Variants in SDK1 observed in about 807,000 individuals in gnomAD.
SDK1 encodes the protein protein sidekick-1.
A neutral mutation model predicts 245.5 loss-of-function variants in SDK1; 157 were observed. That is an observed-to-expected ratio of 0.64 (90% CI 0.56 to 0.73). The LOEUF (loss-of-function observed/expected upper bound fraction) is 0.73, where lower values mean the gene tolerates loss of function less well. SDK1 is among the 30% of genes least tolerant of loss of function. The pLI, the probability that SDK1 is intolerant of heterozygous loss-of-function variation, is 0.00. For missense variants in SDK1, 3,583 were observed against 3,002.3 expected, an observed-to-expected ratio of 1.19 and a Z score of -4.52; for synonymous variants, 1,647 against 1,278.5, an observed-to-expected ratio of 1.29 and a Z score of -6.15.
chr7:3,898,973 C>T (rs370780253), intron 5 of SDK1, among the ~76,000 whole-genome samples: 2 of 152,082 alleles, frequency 1.3e-5, no homozygotes, highest in Non-Finnish European at 2.9e-5. Context: ...TAATGGTTTC[C>T]CAATTCTATA....
At chr7:3,685,427 A>T (rs578249488) in intron 4 of SDK1, among the ~76,000 whole-genome samples, 15 of 152,352 alleles carry the variant, frequency 9.8e-5, no homozygotes, top group Admixed American at 4.6e-4. Context: ...GTAGGAAAAG[A>T]TGTTAGCAAA....
intron 20 of SDK1, among the ~76,000 whole-genome samples, chr7:4,072,592 G>C (rs1584024272): frequency 6.6e-6 from 1 of 152,256 alleles, no homozygotes; most frequent in Non-Finnish European, 1.5e-5. Context: ...GCTGAAGGCA[G>C]AGTGTCTCAT....
intron 1 of SDK1, among the ~76,000 whole-genome samples, chr7:3,327,672 C>G (rs554649095): frequency 1.3e-5 from 2 of 152,170 alleles, no homozygotes; most frequent in South Asian, 2.1e-4. Flanking sequence ...AAAATCCTGA[C>G]AGCAGAATGT....
chr7:3,700,711 G>GT (rs1784715231), intron 4 of SDK1, among the ~76,000 whole-genome samples: 1 of 152,186 alleles, frequency 6.6e-6, no homozygotes, highest in South Asian at 2.1e-4. Context: ...CATAATTATA[G>GT]TAAGTGTAAA....
intron 1 of SDK1, among the ~76,000 whole-genome samples, chr7:3,441,173 T>G (rs1780184995): frequency 6.6e-6 from 1 of 152,148 alleles, no homozygotes; most frequent in Non-Finnish European, 1.5e-5. Context: ...TTACAGTATG[T>G]TATAATTCTA....
chr7:3,852,442 T>C (rs1055723783), intron 5 of SDK1, among the ~76,000 whole-genome samples: 1 of 151,906 alleles, frequency 6.6e-6, no homozygotes, highest in African/African-American at 2.4e-5. Flanking sequence ...TATTTAAATC[T>C]CATTTATTTA....
chr7:4,264,681 G>A (rs575135024), intron 44 of SDK1, among the ~76,000 whole-genome samples: 5 of 150,284 alleles, frequency 3.3e-5, no homozygotes, highest in Non-Finnish European at 4.4e-5. Context: ...GGGAGGCTGC[G>A]TAGATCTCTC....
chr7:4,039,882 C>T (rs968841918), intron 17 of SDK1, among the ~76,000 whole-genome samples: 8 of 151,754 alleles, frequency 5.3e-5, no homozygotes, highest in African/African-American at 1.7e-4. Flanking sequence ...TAATAAGGAA[C>T]ACCTAATACC....
At chr7:4,192,410 G>A (rs1282424285) in intron 35 of SDK1, among the ~76,000 whole-genome samples, 1 of 152,106 alleles carries the variant, frequency 6.6e-6, no homozygotes, top group African/African-American at 2.4e-5. Context: ...CAAGTAGCTG[G>A]GACTACAGGT....
chr7:4,184,494 C>G (rs1782770274), intron 35 of SDK1, among the ~76,000 whole-genome samples: 1 of 152,154 alleles, frequency 6.6e-6, no homozygotes, highest in Admixed American at 6.5e-5. Flanking sequence ...GGGGTCAGCC[C>G]CCAGTCAGTA....
At chr7:4,239,354 G>A (rs1291299842) in intron 42 of SDK1, among the ~76,000 whole-genome samples, 1 of 152,180 alleles carries the variant, frequency 6.6e-6, no homozygotes, top group African/African-American at 2.4e-5. Context: ...GGTGCTAAAT[G>A]TGCTCTGTCT....
At chr7:3,944,506 AAATT>A (rs1414603222) in intron 5 of SDK1, among the ~76,000 whole-genome samples, 5 of 150,688 alleles carry the variant, frequency 3.3e-5, no homozygotes, top group Non-Finnish European at 7.5e-5. Context: ...TCTTTATGAT[AAATT>A]AATCATTGAG....
chr7:4,157,454 GTGGA>G (rs1181416788), intron 30 of SDK1, among the ~76,000 whole-genome samples: 6 of 89,034 alleles, frequency 6.7e-5, no homozygotes, highest in Non-Finnish European at 1.1e-4. Flanking sequence ...GGGAAGGGAG[GTGGA>G]AGGGAGAGAA....
intron 13 of SDK1, among the ~76,000 whole-genome samples, chr7:3,978,023 C>T (rs937311996): frequency 2.0e-5 from 3 of 152,120 alleles, no homozygotes; most frequent in African/African-American, 4.8e-5. Context: ...ACAGTGAGTA[C>T]CCAAAGCCCT....
At chr7:3,911,091 G>A (rs545789787) in intron 5 of SDK1, among the ~76,000 whole-genome samples, 96 of 152,334 alleles carry the variant, frequency 6.3e-4, no homozygotes, top group African/African-American at 2.2e-3. Context: ...AGGGTGGCCC[G>A]GCTGGAGGCC....
intron 22 of SDK1, among the ~76,000 whole-genome samples, chr7:4,091,489 C>A (rs1342017437): frequency 6.6e-6 from 1 of 151,768 alleles, no homozygotes; most frequent in East Asian, 1.9e-4. Context: ...ATGATAGGCA[C>A]GTACCACCAC....
intron 1 of SDK1, among the ~76,000 whole-genome samples, chr7:3,434,233 A>G (rs1240262577): frequency 6.6e-6 from 1 of 152,208 alleles, no homozygotes; most frequent in Non-Finnish European, 1.5e-5. Flanking sequence ...GATGGAGAGA[A>G]GATTAGGAAA....
intron 1 of SDK1, among the ~76,000 whole-genome samples, chr7:3,331,605 A>G (rs976408748): frequency 1.3e-5 from 2 of 152,176 alleles, no homozygotes; most frequent in South Asian, 4.1e-4. Context: ...TTGAAGTGCA[A>G]AAGCGTTTAA....
At chr7:3,710,733 A>G (rs1014235121) in intron 4 of SDK1, among the ~76,000 whole-genome samples, 1 of 152,260 alleles carries the variant, frequency 6.6e-6, no homozygotes, top group Admixed American at 6.5e-5. Context: ...GGAAACCAGC[A>G]GAGAGGCTAA....
Sources: allele counts gnomAD v4.1 joint callset (sites outside exome capture counted in the v4.1 genomes callset), GRCh38; gene constraint gnomAD v4.1.1; transcripts MANE v1.5; gene names NCBI Gene and HGNC (gene_info 2026-07-23, HGNC 2026-07-21).